KATNIP: variants seen among roughly 807,000 people sequenced by gnomAD.
KATNIP encodes the protein katanin interacting protein, also known as katanin-interacting protein.
In KATNIP, 126 loss-of-function variants were observed where a neutral mutation model predicts 174.0. The ratio of observed to expected loss-of-function variants is 0.72; its 90% CI spans 0.63 to 0.84. The LOEUF (loss-of-function observed/expected upper bound fraction) is 0.84, where lower values mean the gene tolerates loss of function less well. Ranked by LOEUF, KATNIP falls within the 40% of genes least tolerant of loss-of-function variation. The pLI is 0.00. For synonymous variants in KATNIP, 810 were observed against 835.7 expected (o/e 0.97, Z 0.53); for missense variants, 1,958 against 2,109.7 (o/e 0.93, Z 1.41).
chr16:27,758,524 A>G (rs1212373422), intron 18 of KATNIP, among the ~76,000 whole-genome samples: 2 of 152,166 alleles, frequency 1.3e-5, no homozygotes, highest in South Asian at 2.1e-4. Flanking sequence ...TTCAACATAG[A>G]ATCTGCCAGT....
At chr16:27,757,005 T>G (rs1381626199) in intron 18 of KATNIP, among the ~76,000 whole-genome samples, 1 of 152,218 alleles carries the variant, frequency 6.6e-6, no homozygotes, top group African/African-American at 2.4e-5. Flanking sequence ...TCCCAATAGT[T>G]GCAACTACTA....
intron 6 of KATNIP, among the ~76,000 whole-genome samples, chr16:27,672,537 G>A (rs1307034301): frequency 6.6e-6 from 1 of 152,220 alleles, no homozygotes; most frequent in African/African-American, 2.4e-5. Flanking sequence ...TCTGCCCTTA[G>A]CACAGCACCT....
chr16:27,704,031 T>C, intron 12 of KATNIP, 33 bp downstream of exon 12: 1 of 1,539,328 alleles, frequency 6.5e-7, no homozygotes, highest in African/African-American at 1.4e-5. Context: ...CAGTTGTACA[T>C]TCAGGAAGTT....
intron 6 of KATNIP, among the ~76,000 whole-genome samples, chr16:27,672,451 C>G (rs1013430177): frequency 6.6e-6 from 1 of 152,198 alleles, no homozygotes; most frequent in Non-Finnish European, 1.5e-5. Flanking sequence ...TATGCATTGC[C>G]TGCCTGTCTC....
intron 1 of KATNIP, among the ~76,000 whole-genome samples, chr16:27,559,577 G>A (rs1251440239): frequency 2.0e-5 from 3 of 151,880 alleles, no homozygotes; most frequent in Non-Finnish European, 2.9e-5. Context: ...TCAGCTACTC[G>A]GGAGGCTGAG....
intron 3 of KATNIP, among the ~76,000 whole-genome samples, chr16:27,627,554 G>T (rs1168348629): frequency 6.6e-6 from 1 of 152,200 alleles, no homozygotes; most frequent in Non-Finnish European, 1.5e-5. Context: ...ACCTGACCCT[G>T]TATTTCCTCT....
At chr16:27,614,859 A>T (rs994223640) in intron 2 of KATNIP, among the ~76,000 whole-genome samples, 31 of 152,318 alleles carry the variant, frequency 2.0e-4, no homozygotes, top group African/African-American at 7.2e-4. Flanking sequence ...CTGGGGCTCT[A>T]CAGGGAACAG....
intron 2 of KATNIP, among the ~76,000 whole-genome samples, chr16:27,574,912 C>T (rs570244062): frequency 2.6e-5 from 4 of 152,282 alleles, no homozygotes; most frequent in Non-Finnish European, 4.4e-5. Context: ...GGAAATAGAT[C>T]TCACCTCTTG....
chr16:27,761,629 G>A, intron 19 of KATNIP, 39 bp downstream of exon 19: 1 of 1,549,580 alleles, frequency 6.5e-7, no homozygotes, highest in East Asian at 2.2e-5. Context: ...ATGCCCACTG[G>A]GTTTTGGGGA....
intron 2 of KATNIP, among the ~76,000 whole-genome samples, chr16:27,595,325 T>G (rs2075303508): frequency 6.6e-6 from 1 of 152,164 alleles, no homozygotes; most frequent in Admixed American, 6.6e-5. Context: ...AAGTTGAGGC[T>G]GCAGTGAGCT....
intron 8 of KATNIP, among the ~76,000 whole-genome samples, chr16:27,688,740 A>G (rs776282368): frequency 6.6e-6 from 1 of 152,248 alleles, no homozygotes; most frequent in Non-Finnish European, 1.5e-5. Context: ...TTTGAGACCC[A>G]TGTCTCTAGT....
rs922238981 is a variant in KATNIP, at chr16:27,608,309, C to T, written c.64-10116C>T. Among the ~76,000 whole-genome samples the T allele has an allele frequency of 2.7e-5, 4 of 147,220 alleles. No individual in the cohort carries two copies. In the East Asian group the frequency reaches 8.0e-4, roughly 29 times the overall value. ...GCACTGGTGCAATCATAGCTCACTG[C>T]AGCCTCGACCTCCTGGACTCAAGCC... On this transcript the variant is annotated intron_variant, in intron 2 of 27. Transcript: ENST00000261588.
Position 27,606,500 on chromosome 16 carries a change from GACACACACACACAT to G in KATNIP, c.64-11900_64-11887del, listed in dbSNP as rs991246471. On this transcript the variant is annotated intron_variant, in intron 2 of 27. Transcript: ENST00000261588. Reference sequence around the variant, plus strand: ...TCATACACACACACACACACACACAGACACACACACACATACACACACACACATACACACACACT... The same window carrying G: ...TCATACACACACACACACACACACAGACACACACACACATACACACACACT... Among the ~76,000 whole-genome samples, 140 of 148,286 alleles carry G rather than the reference GACACACACACACAT, an allele frequency of 9.4e-4. 1 individual carries two copies. In the East Asian group the frequency reaches 0.017, roughly 18 times the overall value.
At chr16:27,755,519 A>T (rs891269867) in intron 18 of KATNIP, 1 of 152,218 alleles carries the variant, frequency 6.6e-6, no homozygotes, top group Non-Finnish European at 1.5e-5. Context: ...GGAACCTGGG[A>T]TGGCCCTTTG....
chr16:27,664,880 G>A (rs2077631037), intron 6 of KATNIP, among the ~76,000 whole-genome samples: 1 of 152,164 alleles, frequency 6.6e-6, no homozygotes, highest in African/African-American at 2.4e-5. Context: ...GCATGTGCAT[G>A]TGTAGGTGAG....
chr16:27,602,425 G>A (rs1023646396), intron 2 of KATNIP, among the ~76,000 whole-genome samples: 1 of 152,134 alleles, frequency 6.6e-6, no homozygotes, highest in Non-Finnish European at 1.5e-5. Context: ...AGCCACACTG[G>A]CCTCTGAGCT....
At chr16:27,701,801 ATTTC>A in intron 11 of KATNIP, 106 bp downstream of exon 11, 1 of 758,910 alleles carries the variant, frequency 1.3e-6, no homozygotes, top group Non-Finnish European at 2.2e-6. Context: ...CAGACCCCTT[ATTTC>A]TTTCTTTAAG....
intron 1 of KATNIP, among the ~76,000 whole-genome samples, chr16:27,562,731 A>G (rs973653064): frequency 1.3e-5 from 2 of 152,280 alleles, no homozygotes; most frequent in Non-Finnish European, 2.9e-5. Context: ...AATATATTTC[A>G]GCCTGGGAAG....
intron 10 of KATNIP, among the ~76,000 whole-genome samples, chr16:27,700,089 T>G (rs2079047106): frequency 1.3e-5 from 2 of 151,744 alleles, no homozygotes; most frequent in African/African-American, 4.8e-5. Flanking sequence ...TTTTTGTATT[T>G]TTACTAGAGA....
Sources: allele counts gnomAD v4.1 joint callset (sites outside exome capture counted in the v4.1 genomes callset), GRCh38; gene constraint gnomAD v4.1.1; transcripts MANE v1.5; gene names NCBI Gene and HGNC (gene_info 2026-07-23, HGNC 2026-07-21).